PLOD1: variants seen among roughly 807,000 people sequenced by gnomAD.
The protein encoded by PLOD1 is lysine hydroxylase.
A neutral mutation model predicts 94.7 loss-of-function variants in PLOD1; 70 were observed. The observed-to-expected ratio is 0.74, with a 90% CI of 0.61 to 0.90. The LOEUF (loss-of-function observed/expected upper bound fraction) is 0.90. Ranked by LOEUF, PLOD1 falls within the 40% of genes least tolerant of loss-of-function variation. The pLI is 0.00. For synonymous variants in PLOD1, 417 were observed against 400.2 expected (o/e 1.04, Z -0.50); for missense variants, 905 against 972.7 (o/e 0.93, Z 0.93).
rs773740513 is a variant in PLOD1 at position 11,964,158 on chromosome 1, GT to G, written c.1203-16del. ...CAGTGGGCAGCGACCTCCTACTGAG[GT>G]GCTCCCTTCCCTCAGGAACGTCATT... On this transcript the variant is annotated splice_polypyrimidine_tract_variant and intron_variant, in intron 11 of 18. Coordinates refer to ENST00000196061, the MANE Select transcript of PLOD1 (RefSeq NM_000302.4). 4 of 1,613,660 alleles carry G rather than the reference GT, an allele frequency of 2.5e-6. No individual in the cohort carries two copies. The highest frequency in any genetic ancestry group is 3.4e-6 in the Non-Finnish European group (4 of 1,179,866).
At chr1:11,970,920 A>C in intron 17 of PLOD1, 104 bp downstream of exon 17, 1 of 445,842 alleles carries the variant, frequency 2.2e-6, no homozygotes, top group Non-Finnish European at 3.2e-6. Context: ...AGAAACTGGG[A>C]GGGGCCGAGG....
At chr1:11,954,599 C>T (rs1186460137) in intron 5 of PLOD1, 4 of 760,476 alleles carry the variant, frequency 5.3e-6, no homozygotes, top group Non-Finnish European at 7.4e-6. Flanking sequence ...TCTTAGATTC[C>T]TTCCAGTTCA....
intron 4 of PLOD1, among the ~76,000 whole-genome samples, chr1:11,951,261 G>A (rs1488686045): frequency 2.0e-5 from 3 of 152,048 alleles, no homozygotes; most frequent in Non-Finnish European, 4.4e-5. Flanking sequence ...AGCCAGAGGT[G>A]TCTTTAAACG....
chr1:11,970,832 G>T lies in PLOD1; in HGVS notation c.1902+16G>T. The T allele has an allele frequency of 1.2e-6, 2 of 1,602,754 alleles. No homozygotes were observed. Among genetic ancestry groups the T allele is most frequent in the East Asian group, 2.2e-5 (1 of 44,452 alleles). On this transcript the variant is annotated intron_variant, in intron 17 of 18. Coordinates refer to ENST00000196061, the MANE Select transcript of PLOD1 (RefSeq NM_000302.4). ...CTACACCAGGGTGGGCAAGCCTGGG[G>T]CATAGCCAGGATGCGGGGACAGTTG...
chr1:11,967,212 G>A, intron 16 of PLOD1, 121 bp downstream of exon 16: 1 of 706,388 alleles, frequency 1.4e-6, no homozygotes, highest in Non-Finnish European at 2.6e-6. Context: ...TTGACATAGG[G>A]GTGCTGGCAT....
chr1:11,963,496 A>G lies in PLOD1; in HGVS notation c.1098-36A>G, dbSNP rs201322199. On this transcript the variant is annotated intron_variant, in intron 10 of 18. Transcript: ENST00000196061. The surrounding 1 kb of genome is among the most constrained non-coding windows in gnomAD (Gnocchi z 4.3). ...GTGAGCAGCCACCAGTAGCTCCAGG[A>G]TCAGGTGCACTGACCCTGTGTCCTC... 4 of 1,328,058 alleles carry G rather than the reference A, an allele frequency of 3.0e-6. No homozygotes were observed. The East Asian group carries it at 7.2e-5, about 24-fold the overall frequency. The allele number at this position is 1,328,058 out of a possible 1,614,324, so 82.3% of individuals were successfully genotyped here. A position where few individuals can be genotyped will look rare whatever the true frequency, so the allele number is the denominator to read the frequency against.
In PLOD1 at chr1:11,964,778, G is replaced by A. The variant is rs775776634; in HGVS notation, c.1463G>A (p.Arg488Gln). The change falls in exon 13 of 19, where the codon CGG (arginine) becomes CAG (glutamine). Residue 488 changes from arginine to glutamine, a missense_variant. Arg to Gln is a conservative substitution (Grantham distance 43). Coordinates refer to ENST00000196061, the MANE Select transcript of PLOD1 (RefSeq NM_000302.4). Reference sequence around the variant, plus strand: ...GACATGGCCTTCTGTGCCAACATCCGGCAGCAGGTCAGCCAGGAGCGGGCA... The same window carrying A: ...GACATGGCCTTCTGTGCCAACATCCAGCAGCAGGTCAGCCAGGAGCGGGCA... ...DPDMAFCANI[R>Q]QQDVFMFLTN... 5.0e-6 allele frequency: 8 copies of A among 1,613,582 alleles called. No homozygotes were observed. In the East Asian group the frequency reaches 6.7e-5, roughly 13 times the overall value.
chr1:11,956,254 T>C (rs1645736993), intron 6 of PLOD1, among the ~76,000 whole-genome samples: 3 of 152,022 alleles, frequency 2.0e-5, no homozygotes, highest in South Asian at 2.1e-4. Context: ...TGTGGTGGCA[T>C]GTGCCTGTAA....
chr1:11,954,522 A>G, intron 5 of PLOD1: 1 of 648,984 alleles, frequency 1.5e-6, no homozygotes, highest in Non-Finnish European at 3.0e-6. Context: ...ATGTGCGTGT[A>G]GTGGAGTGCT....
chr1:11,956,490 C>G (rs1400047322), intron 6 of PLOD1, among the ~76,000 whole-genome samples: 1 of 152,190 alleles, frequency 6.6e-6, no homozygotes, highest in Non-Finnish European at 1.5e-5. Flanking sequence ...CCCAGGCCTC[C>G]CCTGCATGTG....
In PLOD1 at chr1:11,958,532, C is replaced by T. The variant is rs777957649; in HGVS notation, c.860C>T (p.Thr287Met). The change falls in exon 9 of 19, where the codon ACG becomes ATG. Residue 287 changes from threonine to methionine, a missense_variant. Transcript: ENST00000196061. The surrounding 1 kb of genome is among the most constrained non-coding windows in gnomAD (Gnocchi z 4.3). ...CTGGTGCAGGATGAAGCTCTGCCCA[C>T]GGTCCTGGTCGGCGTGTTCATCGAA... The part of the protein sequence containing the change: ...LKGIGDEALP[T>M]VLVGVFIEQP... The T allele has an allele frequency of 1.1e-5, 18 of 1,613,670 alleles. No homozygotes were observed. The highest frequency in any genetic ancestry group is 1.6e-4 in the Middle Eastern group (1 of 6,082).
intron 15 of PLOD1, chr1:11,966,529 T>TG (rs1319633271): frequency 4.0e-5 from 4 of 99,372 alleles, no homozygotes; most frequent in Non-Finnish European, 5.8e-5. Flanking sequence ...GGGATGGGGG[T>TG]GGGGGGAGGC....
intron 1 of PLOD1, among the ~76,000 whole-genome samples, chr1:11,941,133 T>C (rs80227495): frequency 0.02 from 3,077 of 152,326 alleles, 106 homozygotes; most frequent in African/African-American, 0.07. Context: ...TCGTAGAGTG[T>C]TGACCGTGAA....
chr1:11,958,548 G>A lies in PLOD1; in HGVS notation c.876G>A (p.Val292=), dbSNP rs1645755508. 2.5e-6 allele frequency: 4 copies of A among 1,613,810 alleles called. No individual in the cohort carries two copies. The South Asian group carries it at 4.4e-5, about 18-fold the overall frequency. Residue 292 remains valine, a synonymous_variant, in exon 9 of 19, where the codon GTG becomes GTA. Coordinates refer to ENST00000196061, the MANE Select transcript of PLOD1 (RefSeq NM_000302.4). The surrounding 1 kb of genome is among the most constrained non-coding windows in gnomAD (Gnocchi z 4.3). ...DEALPTVLVG[V]FIEQPTPFVS... ...CTCTGCCCACGGTCCTGGTCGGCGT[G>A]TTCATCGAACAGCCCACGCCGTTTG...
At chr1:11,966,508 T>TG (rs1645819415) in intron 15 of PLOD1, 192 bp downstream of exon 15, 1 of 7,200 alleles carries the variant, frequency 1.4e-4, no homozygotes, top group Non-Finnish European at 2.7e-4. Context: ...GGGATGGGAG[T>TG]GGGGGGTGGT....
intron 1 of PLOD1, chr1:11,944,642 GT>G: frequency 7.4e-7 from 1 of 1,359,952 alleles, no homozygotes; most frequent in African/African-American, 1.5e-5. Context: ...AGCATCCCTC[GT>G]TTCTGGATCC....
rs1306896238 is a variant in PLOD1 at position 11,967,614 on chromosome 1, TAA to T, written c.1755+527_1755+528del. Among the ~76,000 whole-genome samples the T allele has an allele frequency of 2.6e-3, 309 of 117,918 alleles. 70 individuals carry two copies. In the East Asian group the frequency reaches 0.059, roughly 23 times the overall value. 77.4% of individuals were successfully genotyped at this position (117,918 alleles called of 152,430 possible). A position where few individuals can be genotyped will look rare whatever the true frequency, so the allele number is the denominator to read the frequency against. ...GTGTGTGTGTATATATATATATATA[TAA>T]AAAGAAATATATATAGATTTTATTT... On this transcript the variant is annotated intron_variant, in intron 16 of 18. Coordinates refer to ENST00000196061, the MANE Select transcript of PLOD1 (RefSeq NM_000302.4).
intron 5 of PLOD1, among the ~76,000 whole-genome samples, chr1:11,953,089 TG>T (rs1484384970): frequency 6.6e-6 from 1 of 152,100 alleles, no homozygotes; most frequent in Non-Finnish European, 1.5e-5. Context: ...GGAGTCTCAC[TG>T]TATTGCCCAG....
chr1:11,941,467 G>GATTATTATTTTTTATTATTATTATT (rs531153063), intron 1 of PLOD1, among the ~76,000 whole-genome samples: 33 of 141,896 alleles, frequency 2.3e-4, no homozygotes, highest in African/African-American at 9.8e-4. Flanking sequence ...AAGTAGCTGG[G>GATTATTATTTTTTATTATTATTATT]ATTATTATTA....
Sources: allele counts gnomAD v4.1 joint callset (sites outside exome capture counted in the v4.1 genomes callset), GRCh38; gene constraint gnomAD v4.1.1; non-coding constraint Gnocchi (gnomAD v3.1); transcripts MANE v1.5; gene names NCBI Gene and HGNC (gene_info 2026-07-23, HGNC 2026-07-21).